Variants in KANSL1L observed in about 807,000 individuals in gnomAD.
KANSL1L encodes the protein KAT8 regulatory NSL complex subunit 1-like protein.
A neutral mutation model predicts 108.6 loss-of-function variants in KANSL1L; 25 were observed. That is an observed-to-expected ratio of 0.23 (90% confidence interval 0.17 to 0.32). The LOEUF (loss-of-function observed/expected upper bound fraction) is 0.32, where lower values mean the gene tolerates loss of function less well. Ranked by LOEUF, KANSL1L falls within the 10% of genes least tolerant of loss-of-function variation. The pLI is 1.00. For missense variants in KANSL1L, 1,137 were observed against 1,125.7 expected (o/e 1.01, Z -0.14); for synonymous variants, 405 against 395.1 (o/e 1.03, Z -0.30).
chr2:210,123,640 CTT>C (rs2095041105), intron 3 of KANSL1L, among the ~76,000 whole-genome samples: 1 of 151,836 alleles, frequency 6.6e-6, no homozygotes, highest in African/African-American at 2.4e-5. Context: ...TCAACAATAA[CTT>C]ATTGTACATT....
Position 210,098,138 on chromosome 2 carries a change from G to A in KANSL1L, c.1498C>T (p.Leu500Phe), listed in dbSNP as rs760336519. Residue 500 changes from leucine (L) to phenylalanine (F), a missense_variant, in exon 5 of 15, where the codon CTC (leucine) becomes TTC (phenylalanine). By Grantham distance (22) the Leu-to-Phe change is conservative (BLOSUM62 0). Transcript: ENST00000281772. The part of the protein sequence containing the change: ...PLNLSPTSSP[L>F]SSKSCSHKCL... ...TTATGGCTACAGGATTTGGAAGAGA[G>A]GGGTGATGAAGTTGGGGACAAGTTG... 1.2e-6 allele frequency: 2 copies of A among 1,612,040 alleles called. No individual in the cohort carries two copies. Among genetic ancestry groups the A allele is most frequent in the Non-Finnish European group, 1.7e-6 (2 of 1,178,896 alleles).
chr2:210,042,417 AAGAGTATTTAT>A (rs1462317147), intron 7 of KANSL1L, among the ~76,000 whole-genome samples: 2 of 152,186 alleles, frequency 1.3e-5, no homozygotes, highest in Non-Finnish European at 2.9e-5. Flanking sequence ...TCTTAGGATA[AAGAGTATTTAT>A]ACCAGCTCTC....
chr2:210,104,238 C>A lies in KANSL1L; in HGVS notation c.1294G>T (p.Ala432Ser), dbSNP rs1329435927. 6.2e-7 allele frequency: 1 copy of A among 1,613,868 alleles called. No individual in the cohort carries two copies. The highest frequency in any genetic ancestry group is 2.2e-5 in the East Asian group (1 of 44,824). Reference sequence around the variant, plus strand: ...ATGTTTAGTGAAGCTGCTTGGTCTGCAAATTGCATTTGTTTTTTCAAAATA... The same window carrying A: ...ATGTTTAGTGAAGCTGCTTGGTCTGAAAATTGCATTTGTTTTTTCAAAATA... ...KDILKKQMQF[A>S]DQAASLNILG... The change falls in exon 4 of 15, where the codon GCA becomes TCA. Residue 432 changes from alanine to serine, a missense_variant. Coordinates refer to ENST00000281772, the MANE Select transcript of KANSL1L (RefSeq NM_152519.4).
In KANSL1L at chr2:210,154,452, G is replaced by A; in HGVS notation, c.131C>T (p.Thr44Ile). The A allele has an allele frequency of 6.2e-7, 1 of 1,613,440 alleles. No homozygotes were observed. The highest frequency in any genetic ancestry group is 8.5e-7 in the Non-Finnish European group (1 of 1,179,726). ...TGGAAATCCAAGCATCTGAGAAAAG[G>A]TGTCTCCCTTTAGCTTTTCATCTAC... ...RTVDEKLKGD[T>I]FSQMLGFPTP... The change falls in exon 2 of 15, where the codon ACC becomes ATC. Residue 44 changes from threonine to isoleucine, a missense_variant. This residue lies in a region of KANSL1L where 556 missense variants were observed against 537.7 expected (regional missense o/e 1.03). Transcript: ENST00000281772.
intron 2 of KANSL1L, among the ~76,000 whole-genome samples, chr2:210,130,706 TAGTTAAC>T (rs1262053421): frequency 1.3e-5 from 2 of 152,174 alleles, no homozygotes; most frequent in African/African-American, 4.8e-5. Context: ...ATACTATTCA[TAGTTAAC>T]AGTTAGCAAC....
intron 2 of KANSL1L, among the ~76,000 whole-genome samples, chr2:210,136,195 C>A (rs1425642775): frequency 1.3e-5 from 2 of 151,952 alleles, no homozygotes; most frequent in East Asian, 3.9e-4. Context: ...GTGTCAACTG[C>A]CTAAACTGAA....
intron 2 of KANSL1L, among the ~76,000 whole-genome samples, chr2:210,130,403 A>C (rs1201407646): frequency 1.3e-5 from 2 of 152,228 alleles, no homozygotes; most frequent in Non-Finnish European, 2.9e-5. Flanking sequence ...AAACAGAGAA[A>C]ATATTTATTC....
intron 2 of KANSL1L, among the ~76,000 whole-genome samples, chr2:210,150,404 A>T (rs994838617): frequency 8.5e-5 from 13 of 152,236 alleles, no homozygotes; most frequent in African/African-American, 3.1e-4. Context: ...TTCTAAACTT[A>T]GTGTTTCCTC....
intron 2 of KANSL1L, among the ~76,000 whole-genome samples, chr2:210,131,273 A>G (rs561236317): frequency 1.2e-4 from 19 of 152,304 alleles, no homozygotes; most frequent in Non-Finnish European, 2.4e-4. Context: ...AACACTGAAT[A>G]TAAAAATGGC....
chr2:210,030,904 A>C (rs906278703), intron 9 of KANSL1L: 1 of 152,144 alleles, frequency 6.6e-6, no homozygotes, highest in African/African-American at 2.4e-5. Flanking sequence ...TTGAAGTTAG[A>C]TCTAAAGTGT....
intron 1 of KANSL1L, among the ~76,000 whole-genome samples, chr2:210,159,289 TG>T (rs1245352030): frequency 2.6e-5 from 4 of 152,214 alleles, no homozygotes; most frequent in Admixed American, 6.5e-5. Flanking sequence ...TCTCTCAGCC[TG>T]AAACAATTTT....
At chr2:210,042,079 C>T (rs151218786) in intron 7 of KANSL1L, among the ~76,000 whole-genome samples, 3 of 152,266 alleles carry the variant, frequency 2.0e-5, no homozygotes, top group African/African-American at 4.8e-5. Flanking sequence ...AGGAGAGTAT[C>T]ACCAATTCTA....
chr2:210,144,226 T>A (rs1014726602), intron 2 of KANSL1L, among the ~76,000 whole-genome samples: 1 of 152,146 alleles, frequency 6.6e-6, no homozygotes, highest in Non-Finnish European at 1.5e-5. Context: ...ATGTGAAGAT[T>A]TTCTCTTGCT....
intron 1 of KANSL1L, among the ~76,000 whole-genome samples, chr2:210,166,634 G>A: frequency 6.6e-6 from 1 of 151,980 alleles, no homozygotes; most frequent in African/African-American, 2.4e-5. Context: ...ATCTGCCCCT[G>A]AACATTAAAT....
intron 1 of KANSL1L, chr2:210,170,632 T>C (rs1208686301): frequency 6.6e-6 from 1 of 152,180 alleles, no homozygotes; most frequent in Non-Finnish European, 1.5e-5. Context: ...AAAGCCCAAA[T>C]CTACGTTTTC....
At chr2:210,164,477 A>C (rs1471340613) in intron 1 of KANSL1L, among the ~76,000 whole-genome samples, 1 of 152,158 alleles carries the variant, frequency 6.6e-6, no homozygotes, top group Non-Finnish European at 1.5e-5. Context: ...AAATGTCTTT[A>C]CAACTACTAA....
chr2:210,026,741 A>AAACTC (rs1208127820), intron 12 of KANSL1L, among the ~76,000 whole-genome samples: 11 of 152,138 alleles, frequency 7.2e-5, no homozygotes, highest in Admixed American at 7.2e-4. Context: ...AGTATCTCAA[A>AAACTC]AACTCATAAA....
chr2:210,152,705 T>G (rs1001535324), intron 2 of KANSL1L: 2 of 152,210 alleles, frequency 1.3e-5, no homozygotes, highest in African/African-American at 4.8e-5. Flanking sequence ...AAAGGTCAGT[T>G]CTGAAAGCTA....
At chr2:210,057,291 A>C (rs2094362048) in intron 6 of KANSL1L, among the ~76,000 whole-genome samples, 2 of 152,194 alleles carry the variant, frequency 1.3e-5, no homozygotes, top group African/African-American at 2.4e-5. Flanking sequence ...AATCCCAGCT[A>C]CTCAAGAGGC....
Sources: allele counts gnomAD v4.1 joint callset (sites outside exome capture counted in the v4.1 genomes callset), GRCh38; gene constraint gnomAD v4.1.1; regional missense constraint gnomAD v4.1.1; transcripts MANE v1.5; gene names NCBI Gene and HGNC (gene_info 2026-07-23, HGNC 2026-07-21).